Variants in TENM2 observed in about 807,000 individuals in gnomAD.
TENM2 encodes the protein teneurin transmembrane protein 2.
In TENM2, 52 loss-of-function variants were observed where a neutral mutation model predicts 245.2. That is an observed-to-expected ratio of 0.21 (90% CI 0.17 to 0.27). The LOEUF (loss-of-function observed/expected upper bound fraction) is 0.27. Ranked by LOEUF, TENM2 falls within the 10% of genes least tolerant of loss-of-function variation. TENM2 has a pLI of 1.00. For missense variants in TENM2, 3,046 were observed against 3,666.8 expected (o/e 0.83, Z 4.37); for synonymous variants, 1,363 against 1,438.9 (o/e 0.95, Z 1.19).
chr5:168,131,322 A>G (rs1754558782), intron 12 of TENM2, among the ~76,000 whole-genome samples: 1 of 152,148 alleles, frequency 6.6e-6, no homozygotes, highest in Admixed American at 6.6e-5. Flanking sequence ...TATTTTATCT[A>G]TGTGGTCCTA....
chr5:167,936,121 G>A (rs906635350), intron 3 of TENM2, among the ~76,000 whole-genome samples: 1 of 152,170 alleles, frequency 6.6e-6, no homozygotes, highest in Non-Finnish European at 1.5e-5. Context: ...CGCCTTGTAT[G>A]CAGTCAGGAA....
chr5:167,498,649 A>T (rs1205770614), intron 2 of TENM2, among the ~76,000 whole-genome samples: 1 of 152,088 alleles, frequency 6.6e-6, no homozygotes, highest in Non-Finnish European at 1.5e-5. Flanking sequence ...GCACTCCAGC[A>T]CTGAACAGAG....
intron 2 of TENM2, among the ~76,000 whole-genome samples, chr5:167,422,221 C>A (rs1763553828): frequency 6.6e-6 from 1 of 152,206 alleles, no homozygotes; most frequent in Admixed American, 6.5e-5. Flanking sequence ...CACAATTATT[C>A]TGCTTCAGTA....
chr5:168,195,321 C>A, intron 15 of TENM2, 26 bp downstream of exon 17: 1 of 1,561,314 alleles, frequency 6.4e-7, no homozygotes, highest in Non-Finnish European at 8.7e-7. Context: ...GGGCTCGGAC[C>A]TACTCAGGAC....
chr5:167,629,120 T>G (rs1425349418), intron 2 of TENM2, among the ~76,000 whole-genome samples: 4 of 152,168 alleles, frequency 2.6e-5, no homozygotes, highest in Non-Finnish European at 4.4e-5. Flanking sequence ...GGCTTAGAAA[T>G]CCAAGGTTTC....
chr5:168,252,365 CA>C (rs35385737), intron 27 of TENM2, among the ~76,000 whole-genome samples: 63,999 of 115,210 alleles, frequency 0.56, 15,885 homozygotes, highest in South Asian at 0.64. Context: ...GACCCTGTCT[CA>C]AAAAAAAAAA....
chr5:167,636,982 G>T (rs527652481), intron 2 of TENM2, among the ~76,000 whole-genome samples: 1 of 152,144 alleles, frequency 6.6e-6, no homozygotes, highest in East Asian at 1.9e-4. Context: ...AATGTGGCTC[G>T]GCTCTCTTAG....
At chr5:167,758,935 C>T (rs1205265876) in intron 2 of TENM2, among the ~76,000 whole-genome samples, 1 of 151,940 alleles carries the variant, frequency 6.6e-6, no homozygotes, top group Non-Finnish European at 1.5e-5. Flanking sequence ...TAACCCTATT[C>T]TATTTGCTTT....
intron 2 of TENM2, among the ~76,000 whole-genome samples, chr5:167,431,751 A>G (rs1054951813): frequency 6.6e-6 from 1 of 151,706 alleles, no homozygotes; most frequent in Non-Finnish European, 1.5e-5. Context: ...CCTACCACCC[A>G]GTGTTTTTTA....
intron 2 of TENM2, among the ~76,000 whole-genome samples, chr5:167,569,907 C>T (rs888196758): frequency 6.6e-6 from 1 of 152,086 alleles, no homozygotes; most frequent in African/African-American, 2.4e-5. Flanking sequence ...ACCCCAAAGC[C>T]CAGCTCCTAA....
At chr5:168,257,410 A>G (rs1308942935) in intron 27 of TENM2, among the ~76,000 whole-genome samples, 2 of 152,190 alleles carry the variant, frequency 1.3e-5, no homozygotes, top group Non-Finnish European at 2.9e-5. Context: ...GCCTACCAAC[A>G]TAAAGGTGGT....
At chr5:167,179,446 C>G in the TENM2 span, among the ~76,000 whole-genome samples, 2 of 152,086 alleles carry the variant, frequency 1.3e-5, no homozygotes, top group African/African-American at 4.8e-5. Flanking sequence ...AGTAATTTAT[C>G]AGCTACATTC....
chr5:167,679,497 GATTT>G (rs1487153301), intron 2 of TENM2, among the ~76,000 whole-genome samples: 2 of 152,068 alleles, frequency 1.3e-5, no homozygotes, highest in African/African-American at 4.8e-5. Context: ...GGAGTAATTT[GATTT>G]ATTTAAAGTT....
At chr5:167,992,881 A>G in intron 4 of TENM2, 63 bp from the exon 7 acceptor site, 2 of 1,328,116 alleles carry the variant, frequency 1.5e-6, no homozygotes, top group Non-Finnish European at 2.2e-6. Flanking sequence ...GTGGAAGAAA[A>G]ATAGCTAAAT....
intron 2 of TENM2, among the ~76,000 whole-genome samples, chr5:167,775,306 A>T (rs1470807240): frequency 5.3e-5 from 8 of 152,178 alleles, no homozygotes; most frequent in African/African-American, 1.9e-4. Context: ...GAAACCAGTA[A>T]GCAGGAGGAA....
intron 2 of TENM2, among the ~76,000 whole-genome samples, chr5:167,378,154 AG>A (rs1760877709): frequency 6.6e-6 from 1 of 152,140 alleles, no homozygotes; most frequent in Admixed American, 6.5e-5. Context: ...TGCTAAGCAT[AG>A]TTAATGAGTG....
At chr5:168,241,853 TTAGCAA>T (rs1221498328) in intron 25 of TENM2, among the ~76,000 whole-genome samples, 1 of 152,232 alleles carries the variant, frequency 6.6e-6, no homozygotes, top group East Asian at 1.9e-4. Context: ...GTAACAGAGA[TTAGCAA>T]TAGCAAGGGT....
chr5:167,419,983 G>T (rs1353275397), intron 2 of TENM2, among the ~76,000 whole-genome samples: 1 of 152,152 alleles, frequency 6.6e-6, no homozygotes, highest in Admixed American at 6.6e-5. Context: ...CATAAAGGGA[G>T]TTAGAATTAA....
intron 2 of TENM2, among the ~76,000 whole-genome samples, chr5:167,670,470 T>G (rs184057029): frequency 6.7e-6 from 1 of 149,654 alleles, no homozygotes; most frequent in Non-Finnish European, 1.5e-5. Context: ...TGTCTCTCTC[T>G]CTAATTCTCT....
Sources: allele counts gnomAD v4.1 joint callset (sites outside exome capture counted in the v4.1 genomes callset), GRCh38; gene constraint gnomAD v4.1.1; transcripts MANE v1.5; gene names NCBI Gene and HGNC (gene_info 2026-07-23, HGNC 2026-07-21).